Variants in STK38L observed in about 807,000 individuals in gnomAD.
STK38L encodes the protein serine/threonine-protein kinase 38-like.
STK38L carries 28 observed loss-of-function variants against 59.7 expected under a neutral mutation model. The observed-to-expected ratio is 0.47, with a 90% CI of 0.35 to 0.64. STK38L has a LOEUF of 0.64. Among genes scored for constraint, STK38L ranks in the 30% least tolerant of loss-of-function variants. STK38L has a pLI of 0.01. For synonymous variants in STK38L, 162 were observed against 176.8 expected, an observed-to-expected ratio of 0.92 and a Z score of 0.66; for missense variants, 314 against 555.8, an observed-to-expected ratio of 0.56 and a Z score of 4.37.
intron 12 of STK38L, 51 bp downstream of exon 12, chr12:27,319,474 A>T (rs1340134642): frequency 7.7e-7 from 1 of 1,297,576 alleles, no homozygotes; most frequent in Admixed American, 1.9e-5. Context: ...ACAAATTTCT[A>T]GAGTTGGCAA....
intron 1 of STK38L, among the ~76,000 whole-genome samples, chr12:27,277,077 T>C (rs1217372099): frequency 6.6e-6 from 1 of 152,166 alleles, no homozygotes; most frequent in African/African-American, 2.4e-5. Context: ...CCCACCAAAT[T>C]ATCCCAATTT....
At chr12:27,300,358 C>A (rs1944136399) in intron 2 of STK38L, among the ~76,000 whole-genome samples, 1 of 152,178 alleles carries the variant, frequency 6.6e-6, no homozygotes, top group African/African-American at 2.4e-5. Context: ...AATCATGGAT[C>A]TTCCTGTTTA....
chr12:27,288,521 A>G (rs553158713), intron 1 of STK38L, among the ~76,000 whole-genome samples: 1 of 152,198 alleles, frequency 6.6e-6, no homozygotes, highest in Admixed American at 6.5e-5. Flanking sequence ...CCAAACCCAC[A>G]ATTCAGAGCC....
At chr12:27,287,661 C>T (rs886751983) in intron 1 of STK38L, among the ~76,000 whole-genome samples, 6 of 151,696 alleles carry the variant, frequency 4.0e-5, no homozygotes, top group Non-Finnish European at 7.4e-5. Context: ...TCTTCCCCTC[C>T]TTCCTTCATT....
intron 11 of STK38L, 87 bp from the exon 12 acceptor site, chr12:27,319,241 C>G: frequency 1.3e-6 from 1 of 796,060 alleles, no homozygotes; most frequent in Non-Finnish European, 2.0e-6. Flanking sequence ...CATTATATTT[C>G]TTTAAAAAAG....
rs1228959064 is a variant in STK38L, at chr12:27,266,515, G to C, written c.-12+22183G>C. On this transcript the variant is annotated intron_variant, in intron 1 of 13. Transcript: ENST00000389032. ...GTAGAAATTCTTTATATTACACCTA[G>C]ATCTTTTTTTGTTGCACTTTTAAGC... Among the ~76,000 whole-genome samples the C allele has an allele frequency of 4.6e-5, 7 of 152,280 alleles. No homozygotes were observed. The South Asian group carries it at 1.2e-3, about 27-fold the overall frequency.
chr12:27,289,152 A>AT (rs1943842694), intron 1 of STK38L, among the ~76,000 whole-genome samples: 1 of 152,234 alleles, frequency 6.6e-6, no homozygotes, highest in African/African-American at 2.4e-5. Flanking sequence ...AGATAGGCAT[A>AT]TAGCAATAGA....
chr12:27,262,962 C>T (rs1943232909), intron 1 of STK38L, among the ~76,000 whole-genome samples: 1 of 151,934 alleles, frequency 6.6e-6, no homozygotes, highest in South Asian at 2.1e-4. Context: ...CCATGCCTGG[C>T]TAATTTTTGT....
chr12:27,267,606 G>T (rs1404609875), intron 1 of STK38L, among the ~76,000 whole-genome samples: 1 of 152,212 alleles, frequency 6.6e-6, no homozygotes, highest in Non-Finnish European at 1.5e-5. Flanking sequence ...TATGTACCTG[G>T]AGTGGAATTG....
At chr12:27,278,885 C>A (rs1452180642) in intron 1 of STK38L, among the ~76,000 whole-genome samples, 2 of 152,008 alleles carry the variant, frequency 1.3e-5, no homozygotes, top group African/African-American at 2.4e-5. Flanking sequence ...ATGATAGGGA[C>A]CAAATCAAAA....
intron 1 of STK38L, among the ~76,000 whole-genome samples, chr12:27,256,777 A>G (rs983540249): frequency 6.6e-6 from 1 of 152,208 alleles, no homozygotes; most frequent in Non-Finnish European, 1.5e-5. Flanking sequence ...ATATTTGAAG[A>G]TGGCTATCTA....
chr12:27,253,699 G>A (rs1485221875), intron 1 of STK38L, among the ~76,000 whole-genome samples: 1 of 152,186 alleles, frequency 6.6e-6, no homozygotes, highest in Non-Finnish European at 1.5e-5. Context: ...GGATGTGTGA[G>A]TGTTTGAGCT....
intron 1 of STK38L, among the ~76,000 whole-genome samples, chr12:27,277,392 CCACACACACACACA>C (rs58648742): frequency 6.7e-6 from 1 of 148,694 alleles, no homozygotes; most frequent in Non-Finnish European, 1.5e-5. Flanking sequence ...CTGGAAGGAA[CCACACACACACACA>C]CACACACACA....
intron 1 of STK38L, among the ~76,000 whole-genome samples, chr12:27,265,659 T>G (rs1943287636): frequency 6.6e-6 from 1 of 152,242 alleles, no homozygotes. Flanking sequence ...TCTTTTTTTA[T>G]TCTGATTGCC....
chr12:27,275,901 C>T (rs1943525594), intron 1 of STK38L, among the ~76,000 whole-genome samples: 1 of 152,064 alleles, frequency 6.6e-6, no homozygotes, highest in Non-Finnish European at 1.5e-5. Flanking sequence ...ATATCTTATC[C>T]ATAAACTCAA....
intron 3 of STK38L, among the ~76,000 whole-genome samples, chr12:27,306,790 C>A (rs1040113429): frequency 6.7e-6 from 1 of 148,224 alleles, no homozygotes; most frequent in Non-Finnish European, 1.5e-5. Flanking sequence ...GTCACCCAGG[C>A]TGGAGTGCAA....
At position 27,324,557 on chromosome 12, in the gene STK38L, A is replaced by AT. The variant is rs1944799458; in HGVS notation, c.*2108dup. 1 of 152,060 alleles carries AT rather than the reference A, an allele frequency of 6.6e-6. No homozygotes were observed. The highest frequency in any genetic ancestry group is 1.5e-5 in the Non-Finnish European group (1 of 67,922). The allele number at this position is 152,060 out of a possible 1,614,324, so 9.4% of individuals were successfully genotyped here. ...TTACTTTTTAATTGCATAATAGAGC[A>AT]TTTTTTGTTTTGAGTTCCCTCATTC... On this transcript the variant is annotated 3_prime_UTR_variant, in exon 14 of 14. Coordinates refer to ENST00000389032, the MANE Select transcript of STK38L (RefSeq NM_015000.4).
intron 1 of STK38L, among the ~76,000 whole-genome samples, chr12:27,279,935 C>T (rs1943617941): frequency 6.6e-6 from 1 of 152,120 alleles, no homozygotes; most frequent in South Asian, 2.1e-4. Context: ...GTTCCAATTA[C>T]TGGCTGTAGG....
At chr12:27,268,496 A>G (rs887405515) in intron 1 of STK38L, among the ~76,000 whole-genome samples, 2 of 152,032 alleles carry the variant, frequency 1.3e-5, no homozygotes, top group African/African-American at 4.8e-5. Context: ...TATGTGCCAC[A>G]TTTTCTTAAT....
Sources: gnomAD v4.1 joint callset for allele counts (sites outside exome capture counted in the v4.1 genomes callset) on GRCh38, gnomAD v4.1.1 for gene constraint, MANE v1.5 for transcripts, NCBI Gene and HGNC (gene_info 2026-07-23, HGNC 2026-07-21) for gene names.